MEIKIN: variants seen among roughly 807,000 people sequenced by gnomAD.
MEIKIN encodes meiosis-specific kinetochore protein.
At chr5:131,887,860 T>TC (rs1750829677) in intron 8 of MEIKIN, among the ~76,000 whole-genome samples, 1 of 75,470 alleles carries the variant, frequency 1.3e-5, no homozygotes, top group Admixed American at 1.7e-4. Flanking sequence ...CCTCACCCCC[T>TC]CCCCCCACCC....
At chr5:131,938,329 G>A (rs538022184) in intron 4 of MEIKIN, among the ~76,000 whole-genome samples, 191 of 151,862 alleles carry the variant, frequency 1.3e-3, no homozygotes, top group African/African-American at 4.4e-3. Flanking sequence ...CGCCATGCCC[G>A]GCTAATTTTT....
intron 8 of MEIKIN, among the ~76,000 whole-genome samples, chr5:131,907,532 T>C (rs1172874361): frequency 6.7e-6 from 1 of 149,882 alleles, no homozygotes; most frequent in Non-Finnish European, 1.5e-5. Flanking sequence ...TATGAGCAAC[T>C]ACATGCCAGT....
At chr5:131,813,142 C>T (rs1580854895) in intron 12 of MEIKIN, among the ~76,000 whole-genome samples, 1 of 152,276 alleles carries the variant, frequency 6.6e-6, no homozygotes, top group South Asian at 2.1e-4. Context: ...TGGCCCCCAC[C>T]CTGGCTACAT....
intron 6 of MEIKIN, among the ~76,000 whole-genome samples, chr5:131,921,572 G>A (rs1580908106): frequency 6.6e-6 from 1 of 151,738 alleles, no homozygotes; most frequent in East Asian, 1.9e-4. Flanking sequence ...CAGGAGAACT[G>A]CTTGAACCTG....
At chr5:131,873,749 G>A (rs1037143237) in intron 9 of MEIKIN, among the ~76,000 whole-genome samples, 18 of 152,146 alleles carry the variant, frequency 1.2e-4, no homozygotes, top group South Asian at 4.1e-4. Context: ...TGGAAGTAAA[G>A]CACTCCTCAG....
chr5:131,873,730 A>C (rs932599145), intron 9 of MEIKIN, among the ~76,000 whole-genome samples: 1 of 152,134 alleles, frequency 6.6e-6, no homozygotes, highest in Non-Finnish European at 1.5e-5. Flanking sequence ...CCAAAATTGA[A>C]CACATAGTTG....
At chr5:131,814,602 AAAAAGAAAAGAAG>A (rs1287594487) in intron 12 of MEIKIN, among the ~76,000 whole-genome samples, 4 of 152,212 alleles carry the variant, frequency 2.6e-5, no homozygotes, top group Non-Finnish European at 4.4e-5. Flanking sequence ...CAATGGGAAA[AAAAAGAAAAGAAG>A]AAAAGAAAAG....
chr5:131,816,647 C>A (rs542681401), intron 12 of MEIKIN, among the ~76,000 whole-genome samples: 25 of 152,278 alleles, frequency 1.6e-4, no homozygotes, highest in African/African-American at 6.0e-4. Context: ...TAACTTTCAA[C>A]CTCTCTTTAA....
chr5:131,871,831 G>C (rs961049037), intron 9 of MEIKIN, among the ~76,000 whole-genome samples: 1 of 152,142 alleles, frequency 6.6e-6, no homozygotes, highest in African/African-American at 2.4e-5. Context: ...AGCAGCATTT[G>C]CGGTTCACCA....
intron 8 of MEIKIN, among the ~76,000 whole-genome samples, chr5:131,880,120 C>T (rs1242485074): frequency 6.6e-6 from 1 of 151,792 alleles, no homozygotes; most frequent in Non-Finnish European, 1.5e-5. Flanking sequence ...CGGAGTTTTG[C>T]TCTTTGTTGC....
chr5:131,924,979 A>G (rs1354460617), intron 5 of MEIKIN, among the ~76,000 whole-genome samples: 3 of 152,138 alleles, frequency 2.0e-5, no homozygotes, highest in African/African-American at 7.2e-5. Context: ...ATTTAATCCA[A>G]TTTGAATTAA....
At chr5:131,914,557 AGG>A (rs1751383373) in intron 7 of MEIKIN, among the ~76,000 whole-genome samples, 1 of 96,882 alleles carries the variant, frequency 1.0e-5, no homozygotes, top group African/African-American at 3.9e-5. Flanking sequence ...AAGGGGGAAG[AGG>A]GAAGGGGGAA....
At chr5:131,835,018 A>G (rs1265479078) in intron 11 of MEIKIN, among the ~76,000 whole-genome samples, 5 of 151,972 alleles carry the variant, frequency 3.3e-5, no homozygotes, top group Non-Finnish European at 7.4e-5. Flanking sequence ...CTCTCATTGT[A>G]GTTTTGATTT....
chr5:131,870,089 A>G (rs1429027996), intron 9 of MEIKIN, among the ~76,000 whole-genome samples: 1 of 152,106 alleles, frequency 6.6e-6, no homozygotes, highest in African/African-American at 2.4e-5. Context: ...ACAAAGAAAC[A>G]ATAAACTCTT....
At chr5:131,817,204 T>A (rs1773117172) in intron 12 of MEIKIN, among the ~76,000 whole-genome samples, 1 of 152,178 alleles carries the variant, frequency 6.6e-6, no homozygotes, top group Non-Finnish European at 1.5e-5. Flanking sequence ...AAGTTCTAAG[T>A]CCCTTGGACT....
intron 8 of MEIKIN, among the ~76,000 whole-genome samples, chr5:131,893,826 T>C (rs564731838): frequency 6.6e-6 from 1 of 152,312 alleles, no homozygotes; most frequent in East Asian, 1.9e-4. Flanking sequence ...ATTCTGTAGG[T>C]TGCCTGTTCA....
At chr5:131,898,464 C>A (rs1448768712) in intron 8 of MEIKIN, among the ~76,000 whole-genome samples, 9 of 152,242 alleles carry the variant, frequency 5.9e-5, no homozygotes, top group Non-Finnish European at 1.3e-4. Context: ...TCAGAGCTGT[C>A]AGACAGGGAC....
At chr5:131,887,083 T>C (rs1750811313) in intron 8 of MEIKIN, among the ~76,000 whole-genome samples, 1 of 151,914 alleles carries the variant, frequency 6.6e-6, no homozygotes, top group Non-Finnish European at 1.5e-5. Context: ...CATGCGGTAT[T>C]TGGTTTTCTG....
At chr5:131,894,781 A>G (rs970257774) in intron 8 of MEIKIN, among the ~76,000 whole-genome samples, 2 of 152,216 alleles carry the variant, frequency 1.3e-5, no homozygotes. Context: ...GTTGCCTATC[A>G]GCTTAAGGAG....
Sources: gnomAD v4.1 joint callset for allele counts (sites outside exome capture counted in the v4.1 genomes callset) on GRCh38, gnomAD v4.1.1 for gene constraint, MANE v1.5 for transcripts, NCBI Gene and HGNC (gene_info 2026-07-23, HGNC 2026-07-21) for gene names.